The following FNDC3A variants were observed in gnomAD, a reference collection of about 807,000 sequenced individuals.
The protein encoded by FNDC3A is fibronectin type-III domain-containing protein 3A.
Under a neutral mutation model 148.9 loss-of-function variants are expected in FNDC3A, and 32 were observed. The observed-to-expected ratio is 0.21, with a 90% CI of 0.16 to 0.29. The LOEUF (loss-of-function observed/expected upper bound fraction) is 0.29. FNDC3A is among the 10% of genes least tolerant of loss of function. The pLI, the probability that FNDC3A is intolerant of heterozygous loss-of-function variation, is 1.00. For missense variants in FNDC3A, 1,191 were observed against 1,452.8 expected, an observed-to-expected ratio of 0.82 and a Z score of 2.93; for synonymous variants, 472 against 473.6, an observed-to-expected ratio of 1.00 and a Z score of 0.04.
intron 8 of FNDC3A, among the ~76,000 whole-genome samples, 168 bp from the exon 9 acceptor site, chr13:49,167,076 G>T (rs1431911087): frequency 6.6e-6 from 1 of 152,180 alleles, no homozygotes; most frequent in African/African-American, 2.4e-5. Context: ...TGTTAAGTTT[G>T]TTACATATCC....
intron 8 of FNDC3A, among the ~76,000 whole-genome samples, chr13:49,158,184 G>A (rs200664981): frequency 4.6e-5 from 7 of 152,176 alleles, no homozygotes; most frequent in South Asian, 2.1e-4. Flanking sequence ...CTCCGTGGGC[G>A]TAGGACCCTC....
intron 2 of FNDC3A, among the ~76,000 whole-genome samples, chr13:49,039,135 T>C (rs559189866): frequency 3.3e-4 from 50 of 152,316 alleles, no homozygotes; most frequent in Non-Finnish European, 5.9e-4. Flanking sequence ...GACTGATAGA[T>C]ATTAAGTAAA....
chr13:49,164,980 C>T (rs144036226), intron 8 of FNDC3A, among the ~76,000 whole-genome samples: 1 of 152,242 alleles, frequency 6.6e-6, no homozygotes, highest in African/African-American at 2.4e-5. Context: ...TTTTGTATTC[C>T]ATTTAATGAA....
chr13:49,193,064 G>A (rs1885967588), intron 19 of FNDC3A, among the ~76,000 whole-genome samples: 2 of 152,108 alleles, frequency 1.3e-5, no homozygotes, highest in Admixed American at 1.3e-4. Context: ...AGGACTTGAG[G>A]AACAGAATCC....
intron 2 of FNDC3A, among the ~76,000 whole-genome samples, chr13:49,007,980 A>C (rs946210978): frequency 6.6e-6 from 1 of 152,182 alleles, no homozygotes; most frequent in Admixed American, 6.5e-5. Context: ...TGCCGAAGAC[A>C]AGTTATTTAA....
intron 3 of FNDC3A, among the ~76,000 whole-genome samples, chr13:49,083,714 T>C (rs900067099): frequency 1.3e-5 from 2 of 152,184 alleles, no homozygotes; most frequent in Non-Finnish European, 2.9e-5. Flanking sequence ...TTCACCACCA[T>C]GCCCGGCTAA....
intron 17 of FNDC3A, among the ~76,000 whole-genome samples, chr13:49,190,665 T>G (rs1000983810): frequency 1.2e-4 from 18 of 152,334 alleles, no homozygotes; most frequent in African/African-American, 4.3e-4. Flanking sequence ...TTATGGATCC[T>G]TTTGGAGAAG....
chr13:49,131,250 C>A lies in FNDC3A; in HGVS notation c.366C>A (p.Phe122Leu). The A allele has an allele frequency of 6.2e-7, 1 of 1,614,078 alleles. No homozygotes were observed. Among genetic ancestry groups the A allele is most frequent in the Non-Finnish European group, 8.5e-7 (1 of 1,179,988 alleles). The part of the protein sequence containing the change: ...HRSPHPPLPG[F>L]IPVPTMMPPP... ...CTCCACATCCTCCTCTACCTGGTTT[C>A]ATTCCTGTCCCAACTATGATGCCGC... is the stretch of plus-strand genomic sequence containing the variant. Residue 122 changes from phenylalanine (F) to leucine (L), a missense_variant, in exon 5 of 26, where the codon TTC (phenylalanine) becomes TTA (leucine). This residue lies in a region of FNDC3A where 426 missense variants were observed against 473.2 expected (regional missense o/e 0.90). Transcript: ENST00000492622.
intron 3 of FNDC3A, among the ~76,000 whole-genome samples, chr13:49,085,141 G>A (rs368979950): frequency 4.6e-5 from 7 of 152,152 alleles, no homozygotes; most frequent in African/African-American, 1.2e-4. Context: ...ATAACCACAC[G>A]TCCATCCTCA....
At position 49,136,516 on chromosome 13, in the gene FNDC3A, A is replaced by G. The variant is rs1012933558; in HGVS notation, c.675A>G (p.Gln225=). Residue 225 remains glutamine (Q), a synonymous_variant, in exon 6 of 26, where the codon CAA becomes CAG. Transcript: ENST00000492622. ...AACATAATGGACTTATAAAAGGACA[A>G]ATTGCTGGTGGTATAAACACAGGAT... ...INEHNGLIKG[Q]IAGGINTGSA... 1 of 1,614,148 alleles carries G rather than the reference A, an allele frequency of 6.2e-7. No homozygotes were observed.
At chr13:49,029,374 C>T (rs761900316) in intron 2 of FNDC3A, among the ~76,000 whole-genome samples, 45 of 152,146 alleles carry the variant, frequency 3.0e-4, no homozygotes, top group Non-Finnish European at 3.1e-4. Flanking sequence ...TTGGTATGAA[C>T]GAAAACCATG....
intron 2 of FNDC3A, among the ~76,000 whole-genome samples, chr13:49,020,742 C>T (rs1399677280): frequency 6.6e-6 from 1 of 152,210 alleles, no homozygotes; most frequent in Non-Finnish European, 1.5e-5. Context: ...TGCATTATTT[C>T]ATTTAATCTT....
At chr13:49,164,023 GTTCC>G (rs1884316230) in intron 8 of FNDC3A, among the ~76,000 whole-genome samples, 1 of 152,080 alleles carries the variant, frequency 6.6e-6, no homozygotes, top group Admixed American at 6.5e-5. Flanking sequence ...TTGTCCCTTT[GTTCC>G]AGGTGTAAGA....
At chr13:48,988,915 T>G (rs866055375) in intron 1 of FNDC3A, among the ~76,000 whole-genome samples, 1 of 151,808 alleles carries the variant, frequency 6.6e-6, no homozygotes, top group African/African-American at 2.4e-5. Context: ...ATGAAAACCT[T>G]AAGTGTTCAG....
intron 2 of FNDC3A, among the ~76,000 whole-genome samples, chr13:49,057,834 T>G (rs983701646): frequency 2.0e-5 from 3 of 152,148 alleles, no homozygotes; most frequent in African/African-American, 4.8e-5. Context: ...ACTTTCTGAT[T>G]AAGCAGTTCT....
At chr13:49,143,369 T>A (rs1366653466) in intron 7 of FNDC3A, among the ~76,000 whole-genome samples, 1 of 149,118 alleles carries the variant, frequency 6.7e-6, no homozygotes, top group Non-Finnish European at 1.5e-5. Flanking sequence ...AATAAAAAAA[T>A]AATAATAATA....
At chr13:49,084,638 C>G (rs1211919217) in intron 3 of FNDC3A, among the ~76,000 whole-genome samples, 3 of 152,046 alleles carry the variant, frequency 2.0e-5, no homozygotes, top group African/African-American at 7.2e-5. Context: ...GAGGTATCAC[C>G]TTTGTTTTCT....
intron 2 of FNDC3A, among the ~76,000 whole-genome samples, chr13:49,058,046 G>A (rs1365610379): frequency 6.6e-6 from 1 of 152,104 alleles, no homozygotes; most frequent in Non-Finnish European, 1.5e-5. Flanking sequence ...TAATATGGGT[G>A]GGCCCTAATC....
At chr13:49,168,076 T>C (rs1246082535) in intron 9 of FNDC3A, among the ~76,000 whole-genome samples, 1 of 152,240 alleles carries the variant, frequency 6.6e-6, no homozygotes, top group African/African-American at 2.4e-5. Context: ...TCATAGACTC[T>C]AGGGCTTACC....
Sources: allele counts gnomAD v4.1 joint callset (sites outside exome capture counted in the v4.1 genomes callset), GRCh38; gene constraint gnomAD v4.1.1; regional missense constraint gnomAD v4.1.1; transcripts MANE v1.5; gene names NCBI Gene and HGNC (gene_info 2026-07-23, HGNC 2026-07-21).